The following CADM1 variants were observed in gnomAD, a reference collection of about 807,000 sequenced individuals.
CADM1 encodes TSLC-1.
In CADM1, 15 loss-of-function variants were observed where a neutral mutation model predicts 53.1. The ratio of observed to expected loss-of-function variants is 0.28; its 90% confidence interval spans 0.19 to 0.44. The LOEUF (loss-of-function observed/expected upper bound fraction) is 0.44. CADM1 is among the 20% of genes least tolerant of loss of function. The pLI is 1.00. For missense variants in CADM1, 434 were observed against 611.3 expected (o/e 0.71, Z 3.06); for synonymous variants, 281 against 243.0 (o/e 1.16, Z -1.45).
intron 1 of CADM1, among the ~76,000 whole-genome samples, chr11:115,250,939 T>C (rs1942584893): frequency 6.6e-6 from 1 of 152,216 alleles, no homozygotes; most frequent in Admixed American, 6.5e-5. Context: ...CAATAAGCTT[T>C]ACGATGCTAA....
At chr11:115,391,871 C>G (rs1946844478) in intron 1 of CADM1, among the ~76,000 whole-genome samples, 1 of 152,180 alleles carries the variant, frequency 6.6e-6, no homozygotes, top group African/African-American at 2.4e-5. Flanking sequence ...ACCCCTTCAA[C>G]AGTGTACAGC....
intron 1 of CADM1, among the ~76,000 whole-genome samples, chr11:115,255,339 T>A (rs1211417544): frequency 1.3e-5 from 2 of 152,204 alleles, no homozygotes; most frequent in African/African-American, 4.8e-5. Context: ...TTAGGACACC[T>A]GTCCACCAGT....
intron 3 of CADM1, among the ~76,000 whole-genome samples, chr11:115,233,197 C>T (rs982462151): frequency 2.6e-5 from 4 of 152,056 alleles, no homozygotes; most frequent in African/African-American, 7.2e-5. Context: ...TCTTTGTTTC[C>T]CGTGTACAAG....
chr11:115,230,721 A>G (rs1941784158), intron 4 of CADM1, among the ~76,000 whole-genome samples: 1 of 152,178 alleles, frequency 6.6e-6, no homozygotes, highest in South Asian at 2.1e-4. Flanking sequence ...TCATCACAAA[A>G]TCACAGCCTG....
intron 1 of CADM1, among the ~76,000 whole-genome samples, chr11:115,304,786 A>AG (rs1190233566): frequency 2.0e-5 from 3 of 152,086 alleles, no homozygotes; most frequent in Non-Finnish European, 2.9e-5. Context: ...AATTAAAAAA[A>AG]GGAAACAAAT....
chr11:115,330,507 T>C (rs1945102754), intron 1 of CADM1, among the ~76,000 whole-genome samples: 1 of 152,318 alleles, frequency 6.6e-6, no homozygotes, highest in Middle Eastern at 3.4e-3. Context: ...GTGCTTACCA[T>C]GCTTCAGGAC....
At chr11:115,300,430 T>C (rs577926915) in intron 1 of CADM1, among the ~76,000 whole-genome samples, 2 of 152,110 alleles carry the variant, frequency 1.3e-5, no homozygotes, top group Non-Finnish European at 2.9e-5. Context: ...GATGCTGCCT[T>C]GAGAAAGATA....
chr11:115,466,557 A>G (rs1259129668), intron 1 of CADM1, among the ~76,000 whole-genome samples: 3 of 152,238 alleles, frequency 2.0e-5, no homozygotes, highest in Non-Finnish European at 2.9e-5. Context: ...TAAATCAACA[A>G]GACTTTCAAA....
chr11:115,183,264 G>A (rs1255245734), intron 10 of CADM1, among the ~76,000 whole-genome samples: 1 of 152,128 alleles, frequency 6.6e-6, no homozygotes, highest in Non-Finnish European at 1.5e-5. Context: ...CGTCTTAAAC[G>A]CAGCACTCTG....
chr11:115,480,487 A>G (rs958044896), intron 1 of CADM1, among the ~76,000 whole-genome samples: 6 of 152,088 alleles, frequency 3.9e-5, no homozygotes, highest in East Asian at 1.9e-4. Flanking sequence ...TGTGCTCTCT[A>G]AAGTCCCCTT....
intron 10 of CADM1, among the ~76,000 whole-genome samples, chr11:115,184,475 T>C (rs1170980050): frequency 1.3e-5 from 2 of 152,220 alleles, no homozygotes; most frequent in Non-Finnish European, 2.9e-5. Flanking sequence ...TTTAATTCCC[T>C]CTTGTCAGAG....
At chr11:115,440,364 C>T (rs998656103) in intron 1 of CADM1, among the ~76,000 whole-genome samples, 1 of 152,198 alleles carries the variant, frequency 6.6e-6, no homozygotes, top group Non-Finnish European at 1.5e-5. Context: ...TCCTATCTGT[C>T]TTGTGAACCA....
chr11:115,383,597 TG>T (rs1005145598), intron 1 of CADM1, among the ~76,000 whole-genome samples: 3 of 152,236 alleles, frequency 2.0e-5, no homozygotes, highest in African/African-American at 7.2e-5. Context: ...AATGCCCACC[TG>T]CATCAGTGGC....
At chr11:115,345,927 C>T (rs1411849646) in intron 1 of CADM1, among the ~76,000 whole-genome samples, 1 of 139,844 alleles carries the variant, frequency 7.2e-6, no homozygotes, top group Admixed American at 7.4e-5. Context: ...AAGCAATTAT[C>T]TGAAAAGATA....
At chr11:115,190,729 G>A (rs1424677002) in intron 10 of CADM1, 159 bp downstream of exon 10, 5 of 583,038 alleles carry the variant, frequency 8.6e-6, no homozygotes, top group Non-Finnish European at 1.5e-5. Flanking sequence ...ACAGGTGAGT[G>A]GGTGACCGGG....
At position 115,175,649 on chromosome 11, in the gene CADM1, T is replaced by C. The variant is rs532868294; in HGVS notation, c.*825A>G. 337 of 985,848 alleles carry C rather than the reference T, an allele frequency of 3.4e-4. No individual in the cohort carries two copies. Among genetic ancestry groups the C allele is most frequent in the Admixed American group, 8.6e-4 (14 of 16,290 alleles). 61.1% of individuals were successfully genotyped at this position (985,848 alleles called of 1,614,324 possible). On this transcript the variant is annotated 3_prime_UTR_variant, in exon 12 of 12. Transcript: ENST00000331581. ...GGAGGAGTCCTTTCTGCCCCAAACCTTTCTGGACAGCGTAGGGTATCTATA... is the reference window on the plus strand; with the variant it reads ...GGAGGAGTCCTTTCTGCCCCAAACCCTTCTGGACAGCGTAGGGTATCTATA...
intron 1 of CADM1, among the ~76,000 whole-genome samples, chr11:115,306,270 A>G (rs1944371643): frequency 6.6e-6 from 1 of 152,038 alleles, no homozygotes; most frequent in South Asian, 2.1e-4. Context: ...TATTCAGTGC[A>G]GTAACATGCG....
intron 1 of CADM1, among the ~76,000 whole-genome samples, chr11:115,456,741 G>A (rs2135363157): frequency 6.6e-6 from 1 of 152,066 alleles, no homozygotes; most frequent in South Asian, 2.1e-4. Flanking sequence ...CTGCCACATA[G>A]GATTTTTGCA....
intron 1 of CADM1, among the ~76,000 whole-genome samples, chr11:115,332,032 G>A (rs1174183794): frequency 1.3e-5 from 2 of 152,080 alleles, no homozygotes; most frequent in African/African-American, 2.4e-5. Context: ...GAGCGTAACA[G>A]TCGGGGAAAA....
Sources: gnomAD v4.1 joint callset for allele counts (sites outside exome capture counted in the v4.1 genomes callset) on GRCh38, gnomAD v4.1.1 for gene constraint, MANE v1.5 for transcripts, NCBI Gene and HGNC (gene_info 2026-07-23, HGNC 2026-07-21) for gene names.